The following CRHR2 variants were observed in gnomAD, a reference collection of about 807,000 sequenced individuals.
CRHR2 encodes the protein corticotropin releasing hormone receptor 2, also known as corticotropin-releasing hormone receptor 2.
A neutral mutation model predicts 57.9 loss-of-function variants in CRHR2; 53 were observed. The ratio of observed to expected loss-of-function variants is 0.92; its 90% CI spans 0.73 to 1.15. The LOEUF is 1.15. Among genes scored for constraint, CRHR2 ranks in the 50% most tolerant of loss-of-function variants. The pLI, the probability that CRHR2 is intolerant of heterozygous loss-of-function variation, is 0.00. For missense variants in CRHR2, 532 were observed against 542.6 expected, an observed-to-expected ratio of 0.98 and a Z score of 0.19; for synonymous variants, 213 against 220.9, an observed-to-expected ratio of 0.96 and a Z score of 0.32.
At chr7:30,688,301 T>C (rs938571500) in intron 2 of CRHR2, among the ~76,000 whole-genome samples, 3 of 152,274 alleles carry the variant, frequency 2.0e-5, no homozygotes, top group African/African-American at 7.2e-5. Flanking sequence ...TCCAGAATGG[T>C]GATGAAATCA....
intron 9 of CRHR2, 90 bp from the exon 10 acceptor site, chr7:30,655,805 C>T: frequency 6.3e-7 from 1 of 1,590,612 alleles, no homozygotes; most frequent in Non-Finnish European, 8.6e-7. Context: ...GGTGTTTCTT[C>T]CGGGAGCTTG....
intron 8 of CRHR2, among the ~76,000 whole-genome samples, chr7:30,658,529 C>G (rs1783874763): frequency 6.6e-6 from 1 of 152,108 alleles, no homozygotes; most frequent in Non-Finnish European, 1.5e-5. Flanking sequence ...GAAGATGAGG[C>G]CCCCCTCCCA....
Position 30,671,680 on chromosome 7 carries a change from G to A in CRHR2, c.230-4367C>T, listed in dbSNP as rs184725692. ...AAAATAGCCAGGCGTGGTGGTGTGC[G>A]CCTGTAGTCTCAGCTACTCAGAAGG... On this transcript the variant is annotated intron_variant, in intron 2 of 11. Coordinates refer to ENST00000471646, the MANE Select transcript of CRHR2 (RefSeq NM_001883.5). 1.9e-3 allele frequency among the ~76,000 whole-genome samples: 287 copies of A among 150,728 alleles called. 1 individual carries two copies. The highest frequency in any genetic ancestry group is 2.6e-3 in the Non-Finnish European group (173 of 67,808).
At position 30,662,139 on chromosome 7, in the gene CRHR2, C is replaced by A; in HGVS notation, c.758+17G>T. 4 of 1,613,678 alleles carry A rather than the reference C, an allele frequency of 2.5e-6. No individual in the cohort carries two copies. Among genetic ancestry groups the A allele is most frequent in the Non-Finnish European group, 2.5e-6 (3 of 1,179,778 alleles). ...TTCCCTTCCCCATGACCCCCCATGGCTGGCCCATCCACTTACTGTTCATTC... is the reference window on the plus strand; with the variant it reads ...TTCCCTTCCCCATGACCCCCCATGGATGGCCCATCCACTTACTGTTCATTC... On this transcript the variant is annotated intron_variant, in intron 7 of 11. Transcript: ENST00000471646.
At chr7:30,700,093 T>C (rs1785143468) in exon 1 of CRHR2, 1 of 1,201,078 alleles carries the variant, frequency 8.3e-7, no homozygotes, top group Non-Finnish European at 1.1e-6. Flanking sequence ...GGTCACACCC[T>C]GGCCAGCCCC....
chr7:30,674,420 T>G (rs1004701860), intron 2 of CRHR2, among the ~76,000 whole-genome samples: 6 of 152,182 alleles, frequency 3.9e-5, no homozygotes, highest in African/African-American at 1.4e-4. Flanking sequence ...ACAGGACCCC[T>G]GTGGCAGAAG....
chr7:30,686,705 G>A (rs888238927), upstream of CRHR2: 4 of 460,022 alleles, frequency 8.7e-6, no homozygotes, highest in African/African-American at 2.0e-5. Context: ...CATAATATAT[G>A]CCCTAATATT....
Position 30,653,322 on chromosome 7 carries a change from C to A in CRHR2, c.*138G>T. The A allele has an allele frequency of 7.8e-7, 1 of 1,287,630 alleles. No individual in the cohort carries two copies. Among genetic ancestry groups the A allele is most frequent in the Non-Finnish European group, 1.1e-6 (1 of 939,662 alleles). 79.8% of individuals were successfully genotyped at this position (1,287,630 alleles called of 1,614,324 possible). ...CTTGCAGTCCCCCTTGGCTGCCGCA[C>A]CCCCTCTTTCCTGCCAGGCTGGAGA... is the stretch of plus-strand genomic sequence containing the variant. On this transcript the variant is annotated 3_prime_UTR_variant, in exon 12 of 12. Coordinates refer to ENST00000471646, the MANE Select transcript of CRHR2 (RefSeq NM_001883.5). This position sits in a 1 kb window ranked among gnomAD's most constrained non-coding sequence, Gnocchi z 5.0.
chr7:30,667,383 GC>G, intron 2 of CRHR2, 70 bp from the exon 3 acceptor site: 1 of 1,346,754 alleles, frequency 7.4e-7, no homozygotes. Context: ...GCTCCCTGGT[GC>G]CCACAGGATA....
upstream of CRHR2, among the ~76,000 whole-genome samples, chr7:30,685,486 A>G (rs1161531683): frequency 6.6e-6 from 1 of 152,210 alleles, no homozygotes; most frequent in Non-Finnish European, 1.5e-5. Context: ...CCTGGGAATT[A>G]CGACGGGGTT....
intron 1 of CRHR2, 55 bp from the exon 2 acceptor site, chr7:30,682,095 C>T (rs1487332393): frequency 6.5e-7 from 1 of 1,542,498 alleles, no homozygotes; most frequent in Non-Finnish European, 8.7e-7. Context: ...GGACGCGGGG[C>T]TCTCGGAGCG....
chr7:30,656,004 GA>G lies in CRHR2; in HGVS notation c.839del (p.Phe280SerfsTer11), dbSNP rs1562792923. 18 of 1,593,156 alleles carry G rather than the reference GA, an allele frequency of 1.1e-5. No individual in the cohort carries two copies. Among genetic ancestry groups the G allele is most frequent in the Non-Finnish European group, 1.5e-5 (18 of 1,164,096 alleles). ...GPIILVLLIN[F>X]VFLFNIVRIL... is the part of the protein sequence containing the mutation. ...TCCTGACGATGTTGAACAGAAATACGAAATTGATCTGGAGGGAGGGCGGGCA... is the reference window on the plus strand; with the variant it reads ...TCCTGACGATGTTGAACAGAAATACGAATTGATCTGGAGGGAGGGCGGGCA... On this transcript the variant is annotated frameshift_variant, in exon 9 of 12. Coordinates refer to ENST00000471646, the MANE Select transcript of CRHR2 (RefSeq NM_001883.5). LOFTEE classifies it high-confidence loss of function. The surrounding 1 kb of genome is among the most constrained non-coding windows in gnomAD (Gnocchi z 4.4).
Position 30,665,006 on chromosome 7 carries a change from C to G in CRHR2, c.543+64G>C, listed in dbSNP as rs1163393907. ...GGGGTCCAAGCAGAGACCAGACAGA[C>G]AGATGGGTGCCCCCGGAGCCCAGAG... On this transcript the variant is annotated intron_variant, in intron 5 of 11. Coordinates refer to ENST00000471646, the MANE Select transcript of CRHR2 (RefSeq NM_001883.5). The surrounding 1 kb of genome is among the most constrained non-coding windows in gnomAD (Gnocchi z 4.5). The G allele has an allele frequency of 3.0e-6, 4 of 1,336,850 alleles. No individual in the cohort carries two copies. Among genetic ancestry groups the G allele is most frequent in the African/African-American group, 1.4e-5 (1 of 69,330 alleles). The allele number at this position is 1,336,850 out of a possible 1,614,324, so 82.8% of individuals were successfully genotyped here. A position where few individuals can be genotyped will look rare whatever the true frequency, so the allele number is the denominator to read the frequency against.
exon 1 of CRHR2, chr7:30,700,080 G>C (rs749800665): frequency 1.6e-5 from 21 of 1,277,806 alleles, no homozygotes; most frequent in Non-Finnish European, 2.1e-5. Context: ...TGCCCAGCAC[G>C]GTGGTCACAC....
At chr7:30,689,613 G>T (rs78745030) in intron 1 of CRHR2, among the ~76,000 whole-genome samples, 2 of 127,188 alleles carry the variant, frequency 1.6e-5, no homozygotes, top group Non-Finnish European at 3.2e-5. Flanking sequence ...AAAGCTGGGT[G>T]GGGGGTGGGT....
At chr7:30,699,615 G>A (rs1785127149) in intron 1 of CRHR2, 1 of 184,546 alleles carries the variant, frequency 5.4e-6, no homozygotes, top group South Asian at 9.7e-5. Flanking sequence ...CTGGATGCTA[G>A]GATGTCACCC....
intron 2 of CRHR2, among the ~76,000 whole-genome samples, chr7:30,688,360 G>A (rs368437668): frequency 6.6e-6 from 1 of 152,218 alleles, no homozygotes; most frequent in African/African-American, 2.4e-5. Context: ...AGTGGCCCCA[G>A]GACACTAATA....
intron 2 of CRHR2, among the ~76,000 whole-genome samples, chr7:30,688,325 C>T (rs949665126): frequency 6.6e-6 from 1 of 152,150 alleles, no homozygotes; most frequent in African/African-American, 2.4e-5. Flanking sequence ...TCTGCTCAAG[C>T]CCCCAGTCTG....
Position 30,680,594 on chromosome 7 carries a change from A to G in CRHR2, c.229+1321T>C, listed in dbSNP as rs190508462. ...TATAAGGTCAGGACTAGGAAGGCACAGGGAAATCATTCCTTCTGCTTGCAC... is the reference window on the plus strand; with the variant it reads ...TATAAGGTCAGGACTAGGAAGGCACGGGGAAATCATTCCTTCTGCTTGCAC... On this transcript the variant is annotated intron_variant, in intron 2 of 11. Coordinates refer to ENST00000471646, the MANE Select transcript of CRHR2 (RefSeq NM_001883.5). Among the ~76,000 whole-genome samples, 6 of 152,290 alleles carry G rather than the reference A, an allele frequency of 3.9e-5. No individual in the cohort carries two copies. In the East Asian group the frequency reaches 1.2e-3, roughly 29 times the overall value.
Sources: gnomAD v4.1 joint callset for allele counts (sites outside exome capture counted in the v4.1 genomes callset) on GRCh38, gnomAD v4.1.1 for gene constraint, Gnocchi (gnomAD v3.1) non-coding constraint, MANE v1.5 for transcripts, NCBI Gene and HGNC (gene_info 2026-07-23, HGNC 2026-07-21) for gene names.